The following LY75 variants were observed in gnomAD, a reference collection of about 807,000 sequenced individuals.
The protein encoded by LY75 is lymphocyte antigen 75, also known as C-type lectin domain family 13 member B.
A neutral mutation model predicts 231.7 loss-of-function variants in LY75; 185 were observed. The observed-to-expected ratio is 0.80, with a 90% CI of 0.71 to 0.90. The LOEUF (loss-of-function observed/expected upper bound fraction) is 0.90. LY75 is among the 40% of genes least tolerant of loss of function. The pLI, the probability that LY75 is intolerant of heterozygous loss-of-function variation, is 0.00. For synonymous variants in LY75, 668 were observed against 689.0 expected (o/e 0.97, Z 0.48); for missense variants, 1,947 against 2,050.2 (o/e 0.95, Z 0.97).
At chr2:159,823,292 C>T (rs192796128) in intron 28 of LY75, among the ~76,000 whole-genome samples, 2 of 152,068 alleles carry the variant, frequency 1.3e-5, no homozygotes, top group African/African-American at 2.4e-5. Flanking sequence ...ATGAGAACTT[C>T]GTGAAGCATA....
chr2:159,850,193 AT>A, intron 22 of LY75, 53 bp from the exon 23 acceptor site: 3 of 1,549,254 alleles, frequency 1.9e-6, no homozygotes, highest in Non-Finnish European at 2.6e-6. Flanking sequence ...TTAAAGATAC[AT>A]TAAAAATGTC....
intron 28 of LY75, among the ~76,000 whole-genome samples, chr2:159,829,245 C>A (rs771169507): frequency 6.6e-6 from 1 of 152,218 alleles, no homozygotes; most frequent in Non-Finnish European, 1.5e-5. Flanking sequence ...GCACTGCACA[C>A]ACGATTTGGT....
In LY75 at chr2:159,881,019, A is replaced by C. The variant is rs78524241; in HGVS notation, c.1404+64T>G. 618 of 1,549,266 alleles carry C rather than the reference A, an allele frequency of 4.0e-4. 9 individuals are homozygous for C. In the East Asian group the frequency reaches 0.014, roughly 35 times the overall value. ...TTATACGCAAACTTCCCAACCAAAG[A>C]AGTCTTAATATTATCATTAGGTAAA... On this transcript the variant is annotated intron_variant, in intron 8 of 34. Coordinates refer to ENST00000263636, the MANE Select transcript of LY75 (RefSeq NM_002349.4).
intron 15 of LY75, 39 bp downstream of exon 15, chr2:159,860,782 T>C: frequency 1.2e-6 from 2 of 1,609,408 alleles, no homozygotes; most frequent in Non-Finnish European, 8.5e-7. Context: ...ATGATGGACT[T>C]ATGTTTTAAA....
chr2:159,872,510 A>G lies in LY75; in HGVS notation c.2058T>C (p.Ser686=). 6.2e-7 allele frequency: 1 copy of G among 1,614,036 alleles called. No homozygotes were observed. Among genetic ancestry groups the G allele is most frequent in the Non-Finnish European group, 8.5e-7 (1 of 1,179,938 alleles). Residue 686 remains serine (S), a synonymous_variant, in exon 13 of 35, where the codon TCT becomes TCC. Transcript: ENST00000263636. ...TTATTTCATCCACATGGCTGAAGCT[A>G]GAAAGGTGTGCTCCAAGGGCTTGGC... is the stretch of plus-strand genomic sequence containing the variant. The part of the protein sequence containing the change: ...RFCQALGAHL[S]SFSHVDEIKE...
At chr2:159,822,304 A>G (rs976594965) in intron 28 of LY75, among the ~76,000 whole-genome samples, 5 of 152,236 alleles carry the variant, frequency 3.3e-5, no homozygotes, top group African/African-American at 9.6e-5. Flanking sequence ...TCTCGCTGCC[A>G]GCATAGCAGC....
chr2:159,837,544 T>C (rs1683871477), intron 25 of LY75, among the ~76,000 whole-genome samples: 1 of 152,122 alleles, frequency 6.6e-6, no homozygotes, highest in Non-Finnish European at 1.5e-5. Flanking sequence ...GGTACTGTGT[T>C]CACTATTTGG....
At chr2:159,862,116 T>C (rs183916715) in intron 14 of LY75, among the ~76,000 whole-genome samples, 5 of 152,124 alleles carry the variant, frequency 3.3e-5, no homozygotes, top group East Asian at 1.9e-4. Context: ...CTGGCCAATA[T>C]GGTGAAACCC....
At chr2:159,820,692 T>A (rs1402423563) in intron 28 of LY75, among the ~76,000 whole-genome samples, 1 of 152,216 alleles carries the variant, frequency 6.6e-6, no homozygotes, top group Non-Finnish European at 1.5e-5. Context: ...TAAAAAAATA[T>A]TATTTTCTCT....
At chr2:159,843,044 T>A (rs146988821) in intron 23 of LY75, among the ~76,000 whole-genome samples, 2 of 151,724 alleles carry the variant, frequency 1.3e-5, no homozygotes, top group Non-Finnish European at 2.9e-5. Flanking sequence ...GTCAAAAAAA[T>A]TGGTATGAGT....
In LY75 at chr2:159,875,695, C is replaced by T. The variant is rs757977692; in HGVS notation, c.1775-52G>A. Reference sequence around the variant, plus strand: ...AAAAATTAAAACGTTAAAGTTCAAACATTTTCTAGTGTTTCTACTCTTTAC... The same window carrying T: ...AAAAATTAAAACGTTAAAGTTCAAATATTTTCTAGTGTTTCTACTCTTTAC... On this transcript the variant is annotated intron_variant, in intron 11 of 34. Coordinates refer to ENST00000263636, the MANE Select transcript of LY75 (RefSeq NM_002349.4). 5.6e-6 allele frequency: 9 copies of T among 1,601,766 alleles called. No individual in the cohort carries two copies. In the Admixed American group the frequency reaches 1.0e-4, roughly 18 times the overall value.
chr2:159,810,461 T>A (rs1682925430), intron 32 of LY75, 65 bp downstream of exon 32: 4 of 1,566,542 alleles, frequency 2.6e-6, no homozygotes, highest in Non-Finnish European at 3.5e-6. Context: ...TGCTTCAAAT[T>A]ATATCCTTAA....
In LY75 at chr2:159,881,233, T is replaced by C. The variant is rs114447823; in HGVS notation, c.1254A>G (p.Lys418=). 5.0e-6 allele frequency: 8 copies of C among 1,610,040 alleles called. No homozygotes were observed. In the African/African-American group the frequency reaches 1.1e-4, roughly 22 times the overall value. Reference sequence around the variant, plus strand: ...TCTTAAGGCCTATCCACACTTCTTCTTTGATATCTAAAAGAAAAATGTATT... The same window carrying C: ...TCTTAAGGCCTATCCACACTTCTTCCTTGATATCTAAAAGAAAAATGTATT... ...VVTKLHNEDI[K]EEVWIGLKNI... The change falls in exon 8 of 35, where the codon AAA becomes AAG. Residue 418 remains lysine, a synonymous_variant. Transcript: ENST00000263636.
Position 159,878,352 on chromosome 2 carries a change from G to T in LY75, c.1746C>A (p.Thr582=), listed in dbSNP as rs938718103. 1.9e-6 allele frequency: 3 copies of T among 1,613,888 alleles called. No homozygotes were observed. The highest frequency in any genetic ancestry group is 2.2e-5 in the East Asian group (1 of 44,884). The change falls in exon 11 of 35, where the codon ACC becomes ACA. Residue 582 remains threonine (T), a synonymous_variant. Transcript: ENST00000263636. ...GCTCAAGAAAATTCCAGTTGGAAAA[G>T]GTTACAGCCCGCCTTCTTCCACCAA... is the stretch of plus-strand genomic sequence containing the variant. ...ATVGGRRRAV[T]FSNWNFLEPA...
intron 13 of LY75, among the ~76,000 whole-genome samples, chr2:159,866,769 A>G (rs1202968373): frequency 6.6e-6 from 1 of 152,158 alleles, no homozygotes; most frequent in Non-Finnish European, 1.5e-5. Context: ...CACATTATAT[A>G]TTTGGGCCTG....
intron 28 of LY75, among the ~76,000 whole-genome samples, chr2:159,822,294 T>A (rs1348534871): frequency 6.6e-6 from 1 of 152,172 alleles, no homozygotes; most frequent in Non-Finnish European, 1.5e-5. Flanking sequence ...GGCTTGAAAT[T>A]CTCGCTGCCA....
intron 25 of LY75, among the ~76,000 whole-genome samples, chr2:159,839,637 C>G (rs1683941111): frequency 6.6e-6 from 1 of 152,104 alleles, no homozygotes; most frequent in Non-Finnish European, 1.5e-5. Context: ...CTCCTGGGCT[C>G]AAGTTATCCT....
At chr2:159,883,714 G>C (rs1685504912) in intron 6 of LY75, among the ~76,000 whole-genome samples, 1 of 151,994 alleles carries the variant, frequency 6.6e-6, no homozygotes, top group African/African-American at 2.4e-5. Context: ...CATTTGTGCT[G>C]GCTTTTCTAT....
intron 12 of LY75, among the ~76,000 whole-genome samples, chr2:159,873,577 T>C (rs1685082080): frequency 6.6e-6 from 1 of 152,124 alleles, no homozygotes; most frequent in Non-Finnish European, 1.5e-5. Flanking sequence ...AGTCAAACTC[T>C]AGCTGGCCTG....
Sources: gnomAD v4.1 joint callset for allele counts (sites outside exome capture counted in the v4.1 genomes callset) on GRCh38, gnomAD v4.1.1 for gene constraint, MANE v1.5 for transcripts, NCBI Gene and HGNC (gene_info 2026-07-23, HGNC 2026-07-21) for gene names.